The following C3orf70 variants were observed in gnomAD, a reference collection of about 807,000 sequenced individuals.
C3orf70 encodes UPF0524 protein C3orf70.
A neutral mutation model predicts 20.7 loss-of-function variants in C3orf70; 15 were observed. That is an observed-to-expected ratio of 0.72 (90% confidence interval 0.48 to 1.11). The LOEUF is 1.11. Ranked by LOEUF, C3orf70 falls within the 50% of genes most tolerant of loss-of-function variation. The pLI is 0.00. For missense variants in C3orf70, 332 were observed against 317.6 expected (o/e 1.05, Z -0.34); for synonymous variants, 161 against 125.7 (o/e 1.28, Z -1.88).
chr3:185,151,063 T>TA (rs1479759187), intron 1 of C3orf70, among the ~76,000 whole-genome samples: 4 of 152,196 alleles, frequency 2.6e-5, no homozygotes, highest in African/African-American at 7.2e-5. Context: ...AGCCATGATC[T>TA]AAAAAAGGAT....
Position 185,077,796 on chromosome 3 carries a change from G to A in C3orf70, c.*5211C>T, listed in dbSNP as rs112328979. Among the ~76,000 whole-genome samples, 6 of 150,798 alleles carry A rather than the reference G, an allele frequency of 4.0e-5. No individual in the cohort carries two copies. The highest frequency in any genetic ancestry group is 2.1e-4 in the South Asian group (1 of 4,676). ...AATGCTATTTGGTGGTGGTGGGGGG[G>A]GGGTATCAAGTTTTATTTGCTATAA... is the stretch of plus-strand genomic sequence containing the variant. On this transcript the variant is annotated 3_prime_UTR_variant, in exon 2 of 2. Coordinates refer to ENST00000335012, the MANE Select transcript of C3orf70 (RefSeq NM_001025266.3).
intron 1 of C3orf70, among the ~76,000 whole-genome samples, chr3:185,109,575 C>A (rs908113871): frequency 6.6e-6 from 1 of 152,090 alleles, no homozygotes; most frequent in African/African-American, 2.4e-5. Context: ...CAGAAGAAAA[C>A]CGGAGGAAAG....
At chr3:185,112,048 T>G (rs1369914708) in intron 1 of C3orf70, among the ~76,000 whole-genome samples, 2 of 152,104 alleles carry the variant, frequency 1.3e-5, no homozygotes, top group Admixed American at 1.3e-4. Flanking sequence ...CCCAGCACTT[T>G]GGGAGGCTGA....
chr3:185,076,873 G>A lies in C3orf70; in HGVS notation c.*6134C>T, dbSNP rs777928842. 6.6e-6 allele frequency among the ~76,000 whole-genome samples: 1 copy of A among 152,334 alleles called. No individual in the cohort carries two copies. Among genetic ancestry groups the A allele is most frequent in the Non-Finnish European group, 1.5e-5 (1 of 68,036 alleles). On this transcript the variant is annotated 3_prime_UTR_variant, in exon 2 of 2. Transcript: ENST00000335012. The stretch of plus-strand genomic sequence containing the variant: ...AATTAAAGTTTATTGCAGAATAAAA[G>A]TGTGTGCAGTCAGCATTTGTAAGAG...
intron 1 of C3orf70, among the ~76,000 whole-genome samples, chr3:185,109,513 C>T (rs1023411367): frequency 6.6e-6 from 1 of 152,148 alleles, no homozygotes; most frequent in Non-Finnish European, 1.5e-5. Flanking sequence ...AAGCAACACC[C>T]GTCGAACACA....
intron 1 of C3orf70, among the ~76,000 whole-genome samples, chr3:185,094,074 G>GTTT (rs71162282): frequency 0.045 from 3,611 of 80,670 alleles, 230 homozygotes; most frequent in African/African-American, 0.1. Context: ...ATACCCTGGG[G>GTTT]TTTTTTTTTT....
At chr3:185,132,120 A>C (rs1240269866) in intron 1 of C3orf70, among the ~76,000 whole-genome samples, 1 of 152,192 alleles carries the variant, frequency 6.6e-6, no homozygotes, top group Non-Finnish European at 1.5e-5. Context: ...TGGAGAAAAC[A>C]AAAGCAAATC....
chr3:185,098,576 A>T (rs1257928950), intron 1 of C3orf70, among the ~76,000 whole-genome samples: 2 of 152,236 alleles, frequency 1.3e-5, no homozygotes, highest in Non-Finnish European at 2.9e-5. Context: ...AAATGTGATG[A>T]AGGCAGAAAG....
Position 185,082,941 on chromosome 3 carries a change from G to C in C3orf70, c.*66C>G. 1 of 1,497,678 alleles carries C rather than the reference G, an allele frequency of 6.7e-7. No individual in the cohort carries two copies. Among genetic ancestry groups the C allele is most frequent in the East Asian group, 2.3e-5 (1 of 44,138 alleles). The allele number at this position is 1,497,678 out of a possible 1,614,324, so 92.8% of individuals were successfully genotyped here. A position where few individuals can be genotyped will look rare whatever the true frequency, so the allele number is the denominator to read the frequency against. On this transcript the variant is annotated 3_prime_UTR_variant, in exon 2 of 2. Coordinates refer to ENST00000335012, the MANE Select transcript of C3orf70 (RefSeq NM_001025266.3). ...AAAATATCAACAGCATTGGAAAAAA[G>C]GATCCACCAGACAAAGGTACAAAAG...
At chr3:185,151,614 C>T (rs971065040) in intron 1 of C3orf70, among the ~76,000 whole-genome samples, 1 of 152,088 alleles carries the variant, frequency 6.6e-6, no homozygotes, top group African/African-American at 2.4e-5. Context: ...CATTTATGTT[C>T]GATTAATGTA....
intron 1 of C3orf70, among the ~76,000 whole-genome samples, chr3:185,129,515 G>A (rs62289819): frequency 0.059 from 9,016 of 152,190 alleles, 374 homozygotes; most frequent in South Asian, 0.1. Context: ...CTTTGCTATC[G>A]TGAATAGTGC....
intron 1 of C3orf70, among the ~76,000 whole-genome samples, chr3:185,115,388 A>C (rs1013825172): frequency 6.6e-6 from 1 of 152,218 alleles, no homozygotes; most frequent in Non-Finnish European, 1.5e-5. Flanking sequence ...TAGATTCTAC[A>C]TCATAATCTG....
rs1715272428 is a variant in C3orf70 at position 185,079,225 on chromosome 3, G to A, written c.*3782C>T. ...GAACCTGGGAGGCAGAGCTGGCAGT[G>A]AGCCGAGATCGCGCCACTGCACTCC... On this transcript the variant is annotated 3_prime_UTR_variant, in exon 2 of 2. Coordinates refer to ENST00000335012, the MANE Select transcript of C3orf70 (RefSeq NM_001025266.3). 2 of 146,270 alleles carry A rather than the reference G, an allele frequency of 1.4e-5. No homozygotes were observed. Among genetic ancestry groups the A allele is most frequent in the South Asian group, 2.2e-4 (1 of 4,598 alleles). The allele number at this position is 146,270 out of a possible 1,614,324, so 9.1% of individuals were successfully genotyped here.
Position 185,080,572 on chromosome 3 carries a change from G to A in C3orf70, c.*2435C>T. The A allele has an allele frequency of 6.5e-6, 1 of 152,788 alleles. No homozygotes were observed. The highest frequency in any genetic ancestry group is 1.9e-4 in the East Asian group (1 of 5,202). 9.5% of individuals were successfully genotyped at this position (152,788 alleles called of 1,614,324 possible). ...CATCTGGAGAACGGGCTCACCCACA[G>A]GGTGAATCTAGACAGGGCCCTGGTG... On this transcript the variant is annotated 3_prime_UTR_variant, in exon 2 of 2. Coordinates refer to ENST00000335012, the MANE Select transcript of C3orf70 (RefSeq NM_001025266.3).
chr3:185,149,394 C>CA (rs34153305), intron 1 of C3orf70, among the ~76,000 whole-genome samples: 52,451 of 104,054 alleles, frequency 0.5, 12,110 homozygotes, highest in Non-Finnish European at 0.59. Context: ...CTCTGTCTCC[C>CA]AAAAAAAAAA....
At position 185,152,552 on chromosome 3, in the gene C3orf70, C is replaced by A; in HGVS notation, c.196+76G>T. 5 of 1,373,666 alleles carry A rather than the reference C, an allele frequency of 3.6e-6. No individual in the cohort carries two copies. In the South Asian group the frequency reaches 6.9e-5, roughly 19 times the overall value. 85.1% of individuals were successfully genotyped at this position (1,373,666 alleles called of 1,614,324 possible). On this transcript the variant is annotated intron_variant, in intron 1 of 1. Transcript: ENST00000335012. ...CCCGGAGCCCCGCGGCCGCAGAGTT[C>A]CGGCAGCGACCCCGGACGGCCCGGC...
chr3:185,116,549 GAAATGAGT>G (rs978666128), intron 1 of C3orf70, among the ~76,000 whole-genome samples: 1 of 152,138 alleles, frequency 6.6e-6, no homozygotes, highest in Non-Finnish European at 1.5e-5. Context: ...TTGCTCACTA[GAAATGAGT>G]AGGCAACTCT....
At chr3:185,104,918 C>T (rs1164354634) in intron 1 of C3orf70, among the ~76,000 whole-genome samples, 1 of 152,110 alleles carries the variant, frequency 6.6e-6, no homozygotes, top group Non-Finnish European at 1.5e-5. Context: ...ACTCCTATGG[C>T]ATAAATTTAC....
At chr3:185,110,246 G>T (rs557683994) in intron 1 of C3orf70, among the ~76,000 whole-genome samples, 2 of 152,284 alleles carry the variant, frequency 1.3e-5, no homozygotes, top group East Asian at 1.9e-4. Flanking sequence ...CTTGTCTTTG[G>T]CTATTGCAAA....
Sources: allele counts gnomAD v4.1 joint callset (sites outside exome capture counted in the v4.1 genomes callset), GRCh38; gene constraint gnomAD v4.1.1; transcripts MANE v1.5; gene names NCBI Gene and HGNC (gene_info 2026-07-23, HGNC 2026-07-21).